SPECC1L: variants seen among roughly 807,000 people sequenced by gnomAD.
SPECC1L encodes the protein sperm antigen with calponin homology and coiled-coil domains 1 like, also known as cytospin-A.
A neutral mutation model predicts 116.8 loss-of-function variants in SPECC1L; 40 were observed. That is an observed-to-expected ratio of 0.34 (90% CI 0.27 to 0.45). The LOEUF (loss-of-function observed/expected upper bound fraction) is 0.45. SPECC1L is among the 20% of genes least tolerant of loss of function. SPECC1L has a pLI of 1.00. For synonymous variants in SPECC1L, 504 were observed against 500.6 expected, an observed-to-expected ratio of 1.01 and a Z score of -0.09; for missense variants, 1,110 against 1,373.6, an observed-to-expected ratio of 0.81 and a Z score of 3.03.
intron 7 of SPECC1L, among the ~76,000 whole-genome samples, chr22:24,329,238 CAG>C (rs1556240959): frequency 2.6e-5 from 4 of 152,312 alleles, no homozygotes; most frequent in Non-Finnish European, 4.4e-5. Context: ...TTCGGATTTT[CAG>C]ATTTGGGATG....
At chr22:24,341,910 A>C (rs959061453) in intron 10 of SPECC1L, among the ~76,000 whole-genome samples, 1 of 152,212 alleles carries the variant, frequency 6.6e-6, no homozygotes, top group Non-Finnish European at 1.5e-5. Flanking sequence ...AGCCATGTAG[A>C]TGAGCTTGGA....
chr22:24,410,108 G>A (rs1000239578), intron 14 of SPECC1L, among the ~76,000 whole-genome samples: 1 of 152,270 alleles, frequency 6.6e-6, no homozygotes, highest in African/African-American at 2.4e-5. Flanking sequence ...CAAGATGGGG[G>A]CTGTCAGATG....
At chr22:24,387,511 C>A (rs1343311963) in intron 14 of SPECC1L, among the ~76,000 whole-genome samples, 1 of 152,068 alleles carries the variant, frequency 6.6e-6, no homozygotes, top group African/African-American at 2.4e-5. Context: ...TTGGGTACTT[C>A]ATGTATATTG....
chr22:24,342,117 C>T (rs2041188742), intron 10 of SPECC1L, among the ~76,000 whole-genome samples: 1 of 152,174 alleles, frequency 6.6e-6, no homozygotes, highest in African/African-American at 2.4e-5. Context: ...CAGTAGTGTA[C>T]TTATTTGCCA....
chr22:24,285,405 A>C (rs2049021665), intron 2 of SPECC1L, among the ~76,000 whole-genome samples: 1 of 152,154 alleles, frequency 6.6e-6, no homozygotes, highest in African/African-American at 2.4e-5. Context: ...TGAAAGACCG[A>C]AATTTGGAGA....
intron 14 of SPECC1L, among the ~76,000 whole-genome samples, chr22:24,406,897 T>C (rs1407418827): frequency 6.6e-6 from 1 of 152,170 alleles, no homozygotes; most frequent in African/African-American, 2.4e-5. Flanking sequence ...CCTGGAACAT[T>C]TCAAACCATG....
intron 2 of SPECC1L, among the ~76,000 whole-genome samples, chr22:24,295,080 G>A (rs1411555365): frequency 6.6e-6 from 1 of 151,162 alleles, no homozygotes; most frequent in Non-Finnish European, 1.5e-5. Flanking sequence ...TTCCTGTGTG[G>A]CTGTGAATGT....
chr22:24,384,999 C>G (rs1601324089), intron 14 of SPECC1L, among the ~76,000 whole-genome samples: 1 of 150,432 alleles, frequency 6.6e-6, no homozygotes, highest in Admixed American at 6.6e-5. Context: ...GGAGGCAGAG[C>G]TTGCAGTGAG....
intron 14 of SPECC1L, among the ~76,000 whole-genome samples, chr22:24,375,709 C>G (rs767118877): frequency 2.0e-5 from 3 of 152,152 alleles, no homozygotes; most frequent in Admixed American, 6.5e-5. Context: ...AATCCCAGTA[C>G]TTTGGGAGGC....
intron 11 of SPECC1L, among the ~76,000 whole-genome samples, chr22:24,350,208 G>C (rs945071103): frequency 6.6e-6 from 1 of 151,972 alleles, no homozygotes; most frequent in Non-Finnish European, 1.5e-5. Context: ...GAAACCACTC[G>C]TTCTCCCACA....
intron 9 of SPECC1L, among the ~76,000 whole-genome samples, chr22:24,336,573 C>G (rs2041063179): frequency 6.6e-6 from 1 of 152,056 alleles, no homozygotes; most frequent in African/African-American, 2.4e-5. Flanking sequence ...GAGCAAGACT[C>G]TGTCTCTAAA....
chr22:24,317,103 C>T (rs1172567276), intron 4 of SPECC1L, among the ~76,000 whole-genome samples: 1 of 117,460 alleles, frequency 8.5e-6, no homozygotes, highest in East Asian at 2.7e-4. Context: ...CCCCACCTCC[C>T]TCCTGGACGG....
chr22:24,297,514 G>T (rs910689026), intron 2 of SPECC1L, among the ~76,000 whole-genome samples: 14 of 152,076 alleles, frequency 9.2e-5, no homozygotes, highest in Non-Finnish European at 1.9e-4. Flanking sequence ...TATATATATA[G>T]TATATTTAAC....
At position 24,322,204 on chromosome 22, in the gene SPECC1L, C is replaced by T; in HGVS notation, c.1224C>T (p.His408=). The change falls in exon 5 of 17, where the codon CAC becomes CAT. Residue 408 remains histidine, a synonymous_variant. Transcript: ENST00000314328. ...ERIHQMEENQ[H]STSEELQATL... The stretch of plus-strand genomic sequence containing the variant: ...TACACCAGATGGAAGAGAACCAACA[C>T]AGTACAAGTGAGGAACTCCAGGCAA... The T allele has an allele frequency of 6.2e-7, 1 of 1,614,120 alleles. No homozygotes were observed.
chr22:24,397,918 A>T (rs1381323348), intron 14 of SPECC1L, among the ~76,000 whole-genome samples: 1 of 152,108 alleles, frequency 6.6e-6, no homozygotes, highest in African/African-American at 2.4e-5. Context: ...CTTGGTCAAG[A>T]TTAAGGTCAC....
At position 24,322,151 on chromosome 22, in the gene SPECC1L, G is replaced by A; in HGVS notation, c.1171G>A (p.Val391Met). Reference protein sequence around the residue: ...RKGSSGNASEVSVACLTERIH... With the variant: ...RKGSSGNASEMSVACLTERIH... ...GGGGAGCAGCGGGAATGCCAGTGAA[G>A]TGTCCGTGGCTTGCCTGACTGAACG... Residue 391 changes from valine to methionine, a missense_variant, in exon 5 of 17, where the codon GTG (valine) becomes ATG (methionine). Physicochemically the swap from Val to Met is conservative, Grantham distance 21. This residue lies in a region of SPECC1L where 437 missense variants were observed against 482.6 expected (regional missense o/e 0.91). Coordinates refer to ENST00000314328, the MANE Select transcript of SPECC1L (RefSeq NM_015330.6). 1 of 1,613,950 alleles carries A rather than the reference G, an allele frequency of 6.2e-7. No individual in the cohort carries two copies. The highest frequency in any genetic ancestry group is 8.5e-7 in the Non-Finnish European group (1 of 1,180,044).
intron 11 of SPECC1L, among the ~76,000 whole-genome samples, chr22:24,357,897 C>T (rs1451429467): frequency 6.6e-6 from 1 of 152,138 alleles, no homozygotes; most frequent in Non-Finnish European, 1.5e-5. Flanking sequence ...CCTATTTATT[C>T]ATTCACAGAG....
chr22:24,272,841 G>A (rs1384528683), intron 1 of SPECC1L, among the ~76,000 whole-genome samples: 1 of 152,102 alleles, frequency 6.6e-6, no homozygotes, highest in Non-Finnish European at 1.5e-5. Context: ...TTGATTTAGT[G>A]TATACCACAC....
At chr22:24,315,015 T>TA (rs1329713324) in intron 4 of SPECC1L, among the ~76,000 whole-genome samples, 4 of 152,274 alleles carry the variant, frequency 2.6e-5, no homozygotes, top group African/African-American at 9.6e-5. Flanking sequence ...TTTTACTTCT[T>TA]ACGTTTATAG....
Sources: gnomAD v4.1 joint callset for allele counts (sites outside exome capture counted in the v4.1 genomes callset) on GRCh38, gnomAD v4.1.1 for gene constraint, gnomAD v4.1.1 regional missense constraint, MANE v1.5 for transcripts, NCBI Gene and HGNC (gene_info 2026-07-23, HGNC 2026-07-21) for gene names.